The following SVEP1 variants were observed in gnomAD, a reference collection of about 807,000 sequenced individuals.
The protein encoded by SVEP1 is sushi, von Willebrand factor type A, EGF and pentraxin domain-containing protein 1.
In SVEP1, 164 loss-of-function variants were observed where a neutral mutation model predicts 367.3. The ratio of observed to expected loss-of-function variants is 0.45; its 90% CI spans 0.39 to 0.51. The LOEUF (loss-of-function observed/expected upper bound fraction) is 0.51. SVEP1 is among the 20% of genes least tolerant of loss of function. The probability of loss-of-function intolerance (pLI) is 0.00; values close to 1 mark genes in which losing one functional copy is unlikely to be tolerated. For synonymous variants in SVEP1, 1,666 were observed against 1,611.6 expected (o/e 1.03, Z -0.81); for missense variants, 4,117 against 4,425.3 (o/e 0.93, Z 1.98).
intron 26 of SVEP1, 129 bp from the exon 27 acceptor site, chr9:110,443,849 C>CT (rs544719198): frequency 2.1e-3 from 1,434 of 668,506 alleles, no homozygotes; most frequent in South Asian, 4.3e-3. Flanking sequence ...ATCCATTACT[C>CT]TTTTTTTTTC....
chr9:110,559,013 C>T (rs1165025016), intron 1 of SVEP1, among the ~76,000 whole-genome samples: 2 of 151,874 alleles, frequency 1.3e-5, no homozygotes, highest in Non-Finnish European at 2.9e-5. Context: ...TTTTGCTTTG[C>T]TTATCAATAA....
At chr9:110,524,578 A>C (rs1366668453) in intron 3 of SVEP1, among the ~76,000 whole-genome samples, 1 of 152,172 alleles carries the variant, frequency 6.6e-6, no homozygotes. Context: ...GGTCACGTCA[A>C]TTGATGAAGA....
Position 110,406,899 on chromosome 9 carries a change from C to A in SVEP1, c.8701G>T (p.Val2901Leu), listed in dbSNP as rs1827963895. ...CATPPQLANGVTEGLDYGFMK... is the reference protein window; with the variant it reads ...CATPPQLANGLTEGLDYGFMK... ...AAGCCATAGTCCAGGCCTTCCGTCACCCCATTGGCCAGTTGTGGCGGGGTG... is the reference window on the plus strand; with the variant it reads ...AAGCCATAGTCCAGGCCTTCCGTCAACCCATTGGCCAGTTGTGGCGGGGTG... Residue 2901 changes from valine to leucine, a missense_variant, in exon 38 of 48, where the codon GTG becomes TTG. Around this residue, in one of 4 missense-constraint regions of SVEP1, gnomAD observed 1,765 missense variants for 1,781.1 expected, o/e 0.99. Transcript: ENST00000374469. The A allele has an allele frequency of 1.9e-6, 3 of 1,613,998 alleles. No homozygotes were observed. The highest frequency in any genetic ancestry group is 2.5e-6 in the Non-Finnish European group (3 of 1,179,890).
At chr9:110,482,570 A>T (rs1291304094) in intron 10 of SVEP1, 78 bp from the exon 11 acceptor site, 3 of 1,494,156 alleles carry the variant, frequency 2.0e-6, no homozygotes, top group Non-Finnish European at 2.7e-6. Context: ...TCTGTTGCCC[A>T]GGCTGGAGTG....
intron 46 of SVEP1, among the ~76,000 whole-genome samples, chr9:110,371,129 G>T (rs1032991334): frequency 1.3e-5 from 2 of 152,142 alleles, no homozygotes; most frequent in South Asian, 2.1e-4. Context: ...GTAAGAGCTG[G>T]CCAGCAGAAT....
chr9:110,506,188 T>A (rs1361486149), intron 5 of SVEP1, among the ~76,000 whole-genome samples: 1 of 152,196 alleles, frequency 6.6e-6, no homozygotes, highest in South Asian at 2.1e-4. Flanking sequence ...ATGGTGCATA[T>A]GTGCCACAAT....
At chr9:110,520,675 A>G (rs1829865362) in intron 3 of SVEP1, among the ~76,000 whole-genome samples, 3 of 152,232 alleles carry the variant, frequency 2.0e-5, no homozygotes, top group Admixed American at 1.3e-4. Context: ...TTAAATATCA[A>G]TTCCTTAGAT....
chr9:110,393,893 A>G (rs1240457462), intron 40 of SVEP1, among the ~76,000 whole-genome samples: 1 of 152,214 alleles, frequency 6.6e-6, no homozygotes, highest in African/African-American at 2.4e-5. Context: ...CCACAGCTCA[A>G]GGAGGCATGC....
intron 27 of SVEP1, 135 bp downstream of exon 27, chr9:110,443,410 G>T: frequency 1.2e-6 from 1 of 813,604 alleles, no homozygotes; most frequent in South Asian, 3.5e-5. Context: ...GGATAATCAG[G>T]GAGTAGGAAA....
chr9:110,462,668 G>A (rs373929397), intron 18 of SVEP1, among the ~76,000 whole-genome samples: 6 of 150,960 alleles, frequency 4.0e-5, no homozygotes, highest in Non-Finnish European at 7.4e-5. Context: ...CTAGTCTCCC[G>A]GTCAAGAAAA....
At chr9:110,445,767 C>A in intron 26 of SVEP1, 70 bp downstream of exon 26, 1 of 1,551,566 alleles carries the variant, frequency 6.4e-7, no homozygotes, top group Non-Finnish European at 8.8e-7. Context: ...CATTTCCCAT[C>A]CTCAATGTCA....
At chr9:110,575,318 G>A (rs552879053) in intron 1 of SVEP1, among the ~76,000 whole-genome samples, 5 of 152,220 alleles carry the variant, frequency 3.3e-5, no homozygotes, top group South Asian at 2.1e-4. Context: ...CCATTTTACT[G>A]TTTTGGATCA....
In SVEP1 at chr9:110,548,116, C is replaced by T. The variant is rs144900359; in HGVS notation, c.787+1733G>A. On this transcript the variant is annotated intron_variant, in intron 2 of 47. Coordinates refer to ENST00000374469, the MANE Select transcript of SVEP1 (RefSeq NM_153366.4). The stretch of plus-strand genomic sequence containing the variant: ...ACCCAGTATCTCCAACTGCAACCAC[C>T]CTGTTTTCCCTCTTAACATATCACT... 1.2e-4 allele frequency among the ~76,000 whole-genome samples: 19 copies of T among 152,212 alleles called. No individual in the cohort carries two copies. The East Asian group carries it at 3.3e-3, about 26-fold the overall frequency.
chr9:110,398,155 T>C (rs1185820593), intron 40 of SVEP1, among the ~76,000 whole-genome samples: 1 of 151,870 alleles, frequency 6.6e-6, no homozygotes, highest in Non-Finnish European at 1.5e-5. Context: ...TATAGACCAA[T>C]GGAACAGAAC....
At chr9:110,490,380 T>G (rs1829349753) in intron 8 of SVEP1, among the ~76,000 whole-genome samples, 1 of 152,156 alleles carries the variant, frequency 6.6e-6, no homozygotes, top group African/African-American at 2.4e-5. Context: ...TATGATCGAT[T>G]ATCGTAAACT....
intron 18 of SVEP1, among the ~76,000 whole-genome samples, chr9:110,464,950 T>A (rs1828912396): frequency 6.6e-6 from 1 of 152,190 alleles, no homozygotes; most frequent in South Asian, 2.1e-4. Flanking sequence ...TAAGTTTTCA[T>A]CTTTTGTTTC....
At chr9:110,434,016 C>T (rs1263792583) in intron 30 of SVEP1, among the ~76,000 whole-genome samples, 2 of 152,142 alleles carry the variant, frequency 1.3e-5, no homozygotes, top group Non-Finnish European at 2.9e-5. Flanking sequence ...TGAATGCACT[C>T]GACTGAAGAT....
intron 38 of SVEP1, among the ~76,000 whole-genome samples, chr9:110,404,842 T>C (rs1827931779): frequency 6.6e-6 from 1 of 151,960 alleles, no homozygotes; most frequent in African/African-American, 2.4e-5. Flanking sequence ...CTGGGAAACA[T>C]AGTGAGACTT....
Position 110,407,734 on chromosome 9 carries a change from T to G in SVEP1, c.7866A>C (p.Gly2622=), listed in dbSNP as rs758166475. ...DCGLPPHIDF[G]DCTKLKDDQG... Reference sequence around the variant, plus strand: ...GGTCATCTTTGAGTTTAGTACAGTCTCCAAAATCTATATGAGGAGGGAGGC... The same window carrying G: ...GGTCATCTTTGAGTTTAGTACAGTCGCCAAAATCTATATGAGGAGGGAGGC... Residue 2622 remains glycine (G), a synonymous_variant, in exon 38 of 48, where the codon GGA becomes GGC. Coordinates refer to ENST00000374469, the MANE Select transcript of SVEP1 (RefSeq NM_153366.4). 1 of 1,613,822 alleles carries G rather than the reference T, an allele frequency of 6.2e-7. No homozygotes were observed. Among genetic ancestry groups the G allele is most frequent in the Admixed American group, 1.7e-5 (1 of 60,004 alleles).
Sources: allele counts gnomAD v4.1 joint callset (sites outside exome capture counted in the v4.1 genomes callset), GRCh38; gene constraint gnomAD v4.1.1; regional missense constraint gnomAD v4.1.1; transcripts MANE v1.5; gene names NCBI Gene and HGNC (gene_info 2026-07-23, HGNC 2026-07-21).